The following WDR62 variants were observed in gnomAD, a reference collection of about 807,000 sequenced individuals.
WDR62 encodes the protein WD repeat-containing protein 62.
Under a neutral mutation model 160.6 loss-of-function variants are expected in WDR62, and 112 were observed. The ratio of observed to expected loss-of-function variants is 0.70; its 90% CI spans 0.60 to 0.82. The LOEUF (loss-of-function observed/expected upper bound fraction) is 0.82, where lower values mean the gene tolerates loss of function less well. Ranked by LOEUF, WDR62 falls within the 40% of genes least tolerant of loss-of-function variation. WDR62 has a pLI of 0.00. For synonymous variants in WDR62, 792 were observed against 815.1 expected (o/e 0.97, Z 0.48); for missense variants, 1,819 against 1,983.8 (o/e 0.92, Z 1.58).
intron 4 of WDR62, 115 bp from the exon 5 acceptor site, chr19:36,066,142 G>C: frequency 6.3e-7 from 1 of 1,582,150 alleles, no homozygotes; most frequent in Non-Finnish European, 8.7e-7. Flanking sequence ...CCCTGTAGCA[G>C]ATGGGGGAGG....
At chr19:36,087,286 C>G (rs960304738) in intron 13 of WDR62, among the ~76,000 whole-genome samples, 4 of 151,990 alleles carry the variant, frequency 2.6e-5, no homozygotes, top group African/African-American at 7.2e-5. Context: ...GCAGGTAGAT[C>G]ATGAGGTCAG....
intron 26 of WDR62, 164 bp downstream of exon 26, chr19:36,102,315 C>A: frequency 9.8e-7 from 1 of 1,023,414 alleles, no homozygotes; most frequent in Non-Finnish European, 1.5e-6. Flanking sequence ...GGCTGGAGTG[C>A]GGTGGCCCAA....
intron 7 of WDR62, 53 bp from the exon 8 acceptor site, chr19:36,071,503 G>A (rs1457886572): frequency 1.2e-5 from 19 of 1,612,498 alleles, no homozygotes; most frequent in South Asian, 7.7e-5. Flanking sequence ...CCATATCCCC[G>A]GGCCAGGCCA....
At chr19:36,074,779 G>A (rs993369720) in intron 9 of WDR62, among the ~76,000 whole-genome samples, 5 of 152,052 alleles carry the variant, frequency 3.3e-5, no homozygotes, top group Non-Finnish European at 5.9e-5. Flanking sequence ...TAAAATTCCT[G>A]TATGAAATTT....
Position 36,055,012 on chromosome 19 carries a change from C to T in WDR62, c.41C>T (p.Ala14Val). ...TCCGGAGGCTATGCGCGGAACGATG[C>T]AGGGGAGAAGCTGCCCTCTGTCATG... ...VGSGGYARNDAGEKLPSVMAG... is the reference protein window; with the variant it reads ...VGSGGYARNDVGEKLPSVMAG... Residue 14 changes from alanine to valine, a missense_variant, in exon 1 of 32, where the codon GCA becomes GTA. Around this residue, in one of 3 missense-constraint regions of WDR62, gnomAD observed 115 missense variants for 92.4 expected, o/e 1.24. Transcript: ENST00000401500. The T allele has an allele frequency of 2.5e-6, 4 of 1,608,156 alleles. No individual in the cohort carries two copies. Among genetic ancestry groups the T allele is most frequent in the Non-Finnish European group, 3.4e-6 (4 of 1,178,514 alleles).
intron 1 of WDR62, among the ~76,000 whole-genome samples, chr19:36,057,307 T>G (rs1256787465): frequency 6.6e-6 from 1 of 152,140 alleles, no homozygotes; most frequent in Non-Finnish European, 1.5e-5. Context: ...TTTGGGGTAA[T>G]ATTTATTTAT....
chr19:36,066,157 T>C (rs1970926565), intron 4 of WDR62, 100 bp from the exon 5 acceptor site: 1 of 1,593,906 alleles, frequency 6.3e-7, no homozygotes, highest in Non-Finnish European at 8.6e-7. Context: ...GGGAGGTGGC[T>C]TTTGGGCACA....
chr19:36,073,396 C>T lies in WDR62; in HGVS notation c.1098C>T (p.Thr366=), dbSNP rs1198570787. The change falls in exon 9 of 32, where the codon ACC becomes ACT. Residue 366 remains threonine, a synonymous_variant. Transcript: ENST00000401500. ...EAVYPDTVAL[T]FDPIHQWLSC... is the part of the protein sequence containing the mutation. ...TCTACCCAGATACAGTGGCACTGAC[C>T]TTCGACCCCATCCACCAGTGGCTGT... 1 of 1,614,184 alleles carries T rather than the reference C, an allele frequency of 6.2e-7. No individual in the cohort carries two copies.
At chr19:36,088,588 G>A (rs1972395545) in intron 13 of WDR62, among the ~76,000 whole-genome samples, 1 of 152,242 alleles carries the variant, frequency 6.6e-6, no homozygotes, top group African/African-American at 2.4e-5. Context: ...TGCTTGTCCA[G>A]TGGGATGGGT....
chr19:36,082,681 A>G (rs943613926), intron 10 of WDR62, among the ~76,000 whole-genome samples: 1 of 152,244 alleles, frequency 6.6e-6, no homozygotes, highest in African/African-American at 2.4e-5. Context: ...GAAGGTAACC[A>G]GTTTAGACCG....
chr19:36,101,088 C>T (rs1346257663), intron 23 of WDR62, 126 bp from the exon 24 acceptor site: 22 of 1,158,876 alleles, frequency 1.9e-5, no homozygotes, highest in South Asian at 1.8e-4. Context: ...TTGGAGGAGG[C>T]GGGGAGGCTG....
chr19:36,066,408 T>C lies in WDR62; in HGVS notation c.542T>C (p.Leu181Pro). Reference sequence around the variant, plus strand: ...ATGGGCTACCAACATGACATGGTGCTCAACGTCTGGGACTGGAAGGTAAGA... The same window carrying C: ...ATGGGCTACCAACATGACATGGTGCCCAACGTCTGGGACTGGAAGGTAAGA... ...VSMGYQHDMV[L>P]NVWDWKKDIV... The change falls in exon 5 of 32, where the codon CTC becomes CCC. Residue 181 changes from leucine to proline, a missense_variant. By Grantham distance (98) the Leu-to-Pro change is moderately conservative (BLOSUM62 -3). Coordinates refer to ENST00000401500, the MANE Select transcript of WDR62 (RefSeq NM_001083961.2). The C allele has an allele frequency of 6.2e-7, 1 of 1,606,570 alleles. No homozygotes were observed. Among genetic ancestry groups the C allele is most frequent in the Non-Finnish European group, 8.5e-7 (1 of 1,176,592 alleles).
chr19:36,077,013 A>G (rs1288018971), intron 9 of WDR62, among the ~76,000 whole-genome samples: 1 of 152,138 alleles, frequency 6.6e-6, no homozygotes, highest in Non-Finnish European at 1.5e-5. Flanking sequence ...TATACATGAC[A>G]TCAAGTTCAC....
rs367621375 is a variant in WDR62, at chr19:36,102,752, C to T, written c.3236C>T (p.Ala1079Val). The T allele has an allele frequency of 3.1e-6, 5 of 1,614,202 alleles. No individual in the cohort carries two copies. The highest frequency in any genetic ancestry group is 1.6e-4 in the Middle Eastern group (1 of 6,062). Reference protein sequence around the residue: ...ESPCRELFPAALGDVEASEAE... With the variant: ...ESPCRELFPAVLGDVEASEAE... ...CTTCCCCTAGAGCTCTTCCCCGCAG[C>T]TCTGGGAGACGTGGAGGCCTCTGAA... Residue 1079 changes from alanine (A) to valine (V), a missense_variant, in exon 27 of 32, where the codon GCT becomes GTT. Physicochemically the swap from Ala to Val is moderately conservative, Grantham distance 64. Transcript: ENST00000401500.
chr19:36,072,034 C>T (rs74714004), intron 8 of WDR62, among the ~76,000 whole-genome samples: 3,074 of 152,346 alleles, frequency 0.02, 99 homozygotes, highest in African/African-American at 0.071. Flanking sequence ...TGGCTGACCC[C>T]TACTAAGTGG....
chr19:36,102,482 A>C (rs1444652989), intron 26 of WDR62: 1 of 588,262 alleles, frequency 1.7e-6, no homozygotes, highest in African/African-American at 1.9e-5. Flanking sequence ...GACTGGTCTC[A>C]AACTCCTGCC....
intron 3 of WDR62, among the ~76,000 whole-genome samples, chr19:36,064,803 C>G (rs1370168717): frequency 6.6e-6 from 1 of 151,022 alleles, no homozygotes; most frequent in Non-Finnish European, 1.5e-5. Flanking sequence ...TTCGCGAATT[C>G]CTGACCTCAA....
intron 17 of WDR62, 29 bp downstream of exon 17, chr19:36,091,340 T>TCCCCCCC: frequency 1.3e-6 from 2 of 1,579,196 alleles, no homozygotes; most frequent in Non-Finnish European, 1.7e-6. Flanking sequence ...TTGGGATGCC[T>TCCCCCCC]CCCCACCCGC....
intron 18 of WDR62, among the ~76,000 whole-genome samples, chr19:36,091,821 G>A (rs1204578845): frequency 6.6e-6 from 1 of 151,968 alleles, no homozygotes; most frequent in South Asian, 2.1e-4. Flanking sequence ...GGTAGAGGTT[G>A]CAGGGAGCAC....
Sources: allele counts gnomAD v4.1 joint callset (sites outside exome capture counted in the v4.1 genomes callset), GRCh38; gene constraint gnomAD v4.1.1; regional missense constraint gnomAD v4.1.1; transcripts MANE v1.5; gene names NCBI Gene and HGNC (gene_info 2026-07-23, HGNC 2026-07-21).